Variants in LRRC4C observed in about 807,000 individuals in gnomAD.
LRRC4C encodes leucine-rich repeat-containing protein 4C.
A neutral mutation model predicts 33.6 loss-of-function variants in LRRC4C; 5 were observed. The observed-to-expected ratio is 0.15, with a 90% CI of 0.08 to 0.31. The LOEUF (loss-of-function observed/expected upper bound fraction) is 0.31. LRRC4C is among the 10% of genes least tolerant of loss of function. The pLI, the probability that LRRC4C is intolerant of heterozygous loss-of-function variation, is 1.00. For synonymous variants in LRRC4C, 329 were observed against 302.0 expected (o/e 1.09, Z -0.93); for missense variants, 560 against 796.7 (o/e 0.70, Z 3.58).
intron 6 of LRRC4C, among the ~76,000 whole-genome samples, chr11:40,130,363 C>A (rs1489957809): frequency 6.6e-6 from 1 of 151,604 alleles, no homozygotes; most frequent in South Asian, 2.1e-4. Flanking sequence ...TGTTTTTTTT[C>A]TTTTTTCTTC....
intron 1 of LRRC4C, among the ~76,000 whole-genome samples, chr11:40,959,539 T>A (rs1959106633): frequency 6.6e-6 from 1 of 151,796 alleles, no homozygotes; most frequent in Non-Finnish European, 1.5e-5. Flanking sequence ...ATATTAATTT[T>A]GCATTAAGTT....
chr11:40,533,479 T>C (rs992966036), intron 3 of LRRC4C, among the ~76,000 whole-genome samples: 1 of 202 alleles, frequency 5.0e-3, no homozygotes, highest in Admixed American at 0.05. Flanking sequence ...TCTGATTGAG[T>C]GTGGGGGAGA....
At chr11:40,947,100 A>C (rs1371693895) in intron 1 of LRRC4C, among the ~76,000 whole-genome samples, 1 of 152,142 alleles carries the variant, frequency 6.6e-6, no homozygotes, top group African/African-American at 2.4e-5. Flanking sequence ...AATTTCATTG[A>C]ATAACCTTTG....
chr11:40,295,230 A>G (rs996065402), intron 4 of LRRC4C, among the ~76,000 whole-genome samples: 2 of 152,196 alleles, frequency 1.3e-5, no homozygotes, highest in Non-Finnish European at 2.9e-5. Flanking sequence ...AGGCCCTTTC[A>G]GTTAATCTAT....
chr11:40,761,060 C>G (rs1949190007), intron 2 of LRRC4C, among the ~76,000 whole-genome samples: 1 of 151,594 alleles, frequency 6.6e-6, no homozygotes, highest in African/African-American at 2.4e-5. Flanking sequence ...CATCTAAACC[C>G]ATAGCCCACT....
intron 1 of LRRC4C, among the ~76,000 whole-genome samples, chr11:40,952,849 AACACACACACACAC>A (rs56684958): frequency 1.5e-3 from 168 of 112,756 alleles, no homozygotes; most frequent in Admixed American, 2.4e-3. Flanking sequence ...TCTATTTCCA[AACACACACACACAC>A]ACACACACAC....
chr11:41,013,230 T>C (rs1249411788), intron 1 of LRRC4C, among the ~76,000 whole-genome samples: 1 of 152,252 alleles, frequency 6.6e-6, no homozygotes, highest in Non-Finnish European at 1.5e-5. Flanking sequence ...ACTGAATCCG[T>C]GGACTCACTT....
chr11:41,052,723 T>C (rs1386034982), intron 1 of LRRC4C, among the ~76,000 whole-genome samples: 1 of 152,180 alleles, frequency 6.6e-6, no homozygotes, highest in Non-Finnish European at 1.5e-5. Flanking sequence ...AACATGATTA[T>C]AGAATTTTAA....
At chr11:40,463,587 A>G (rs1286009166) in intron 3 of LRRC4C, among the ~76,000 whole-genome samples, 1 of 152,110 alleles carries the variant, frequency 6.6e-6, no homozygotes, top group East Asian at 1.9e-4. Flanking sequence ...AACTCAATGT[A>G]AAAAAGAAGT....
intron 1 of LRRC4C, among the ~76,000 whole-genome samples, chr11:41,341,415 C>A (rs772892628): frequency 1.3e-5 from 2 of 152,094 alleles, no homozygotes; most frequent in African/African-American, 2.4e-5. Context: ...GAGTATTGCC[C>A]TTCATACTTC....
chr11:40,941,790 GAAGT>G (rs1010564586), intron 1 of LRRC4C, among the ~76,000 whole-genome samples: 4 of 152,178 alleles, frequency 2.6e-5, no homozygotes, highest in African/African-American at 7.2e-5. Context: ...AAAAATAAAT[GAAGT>G]AAGGCAATAT....
intron 4 of LRRC4C, among the ~76,000 whole-genome samples, chr11:40,246,840 A>G (rs1866380360): frequency 6.6e-6 from 1 of 152,192 alleles, no homozygotes; most frequent in Admixed American, 6.5e-5. Context: ...ATATATGTTC[A>G]TATTTCTTCT....
chr11:40,375,932 G>A (rs1948642920), intron 3 of LRRC4C, among the ~76,000 whole-genome samples: 1 of 152,048 alleles, frequency 6.6e-6, no homozygotes, highest in African/African-American at 2.4e-5. Context: ...TAAAATTTGG[G>A]ATAATACAAG....
At chr11:40,120,281 C>T (rs1032846875) in intron 6 of LRRC4C, among the ~76,000 whole-genome samples, 2 of 152,178 alleles carry the variant, frequency 1.3e-5, no homozygotes, top group African/African-American at 4.8e-5. Flanking sequence ...GGACTACACC[C>T]CTGCCCCATT....
At chr11:41,293,921 T>C (rs1280344310) in intron 1 of LRRC4C, among the ~76,000 whole-genome samples, 1 of 152,074 alleles carries the variant, frequency 6.6e-6, no homozygotes, top group Non-Finnish European at 1.5e-5. Flanking sequence ...CAGCAATATA[T>C]GCATGCTGAT....
At chr11:40,964,651 A>C (rs527431054) in intron 1 of LRRC4C, among the ~76,000 whole-genome samples, 5 of 144,696 alleles carry the variant, frequency 3.5e-5, no homozygotes, top group African/African-American at 1.3e-4. Context: ...ATAGTTTGCT[A>C]AGAATGATGG....
intron 2 of LRRC4C, among the ~76,000 whole-genome samples, chr11:40,797,722 G>A (rs931617657): frequency 6.6e-6 from 1 of 151,920 alleles, no homozygotes; most frequent in Admixed American, 6.6e-5. Context: ...TGATCCTTTA[G>A]CTAATATTAA....
chr11:40,998,650 A>G (rs931614635), intron 1 of LRRC4C, among the ~76,000 whole-genome samples: 1 of 152,084 alleles, frequency 6.6e-6, no homozygotes, highest in Non-Finnish European at 1.5e-5. Context: ...CCCAATCACA[A>G]ACTAGACACG....
intron 3 of LRRC4C, among the ~76,000 whole-genome samples, chr11:40,437,279 A>G (rs1405161257): frequency 6.6e-6 from 1 of 151,998 alleles, no homozygotes; most frequent in Non-Finnish European, 1.5e-5. Flanking sequence ...AGATTGCACT[A>G]CTCTGTCCCA....
Sources: gnomAD v4.1 joint callset for allele counts (sites outside exome capture counted in the v4.1 genomes callset) on GRCh38, gnomAD v4.1.1 for gene constraint, MANE v1.5 for transcripts, NCBI Gene and HGNC (gene_info 2026-07-23, HGNC 2026-07-21) for gene names.